NIPSNAP2: variants seen among roughly 807,000 people sequenced by gnomAD.
NIPSNAP2 encodes the protein nipsnap homolog 2.
A neutral mutation model predicts 48.4 loss-of-function variants in NIPSNAP2; 42 were observed. That is an observed-to-expected ratio of 0.87 (90% CI 0.68 to 1.12). The LOEUF (loss-of-function observed/expected upper bound fraction) is 1.12, where lower values mean the gene tolerates loss of function less well. Ranked by LOEUF, NIPSNAP2 falls within the 50% of genes most tolerant of loss-of-function variation. The pLI, the probability that NIPSNAP2 is intolerant of heterozygous loss-of-function variation, is 0.00. For synonymous variants in NIPSNAP2, 158 were observed against 126.6 expected (o/e 1.25, Z -1.67); for missense variants, 314 against 347.3 (o/e 0.90, Z 0.76).
Position 55,997,466 on chromosome 7 carries a change from C to A in NIPSNAP2, c.796+17C>A. On this transcript the variant is annotated intron_variant, in intron 9 of 9. Coordinates refer to ENST00000322090, the MANE Select transcript of NIPSNAP2 (RefSeq NM_001483.3). ...ATTACACAGGTAATCTCTTAACAGC[C>A]ATGAAATATGCTTTTTGTCTTACTG... is the stretch of plus-strand genomic sequence containing the variant. The A allele has an allele frequency of 6.4e-7, 1 of 1,572,704 alleles. No individual in the cohort carries two copies. Among genetic ancestry groups the A allele is most frequent in the Non-Finnish European group, 8.8e-7 (1 of 1,142,502 alleles).
At chr7:55,965,029 A>G (rs972274780) in intron 1 of NIPSNAP2, 18 of 158,058 alleles carry the variant, frequency 1.1e-4, no homozygotes, top group South Asian at 2.0e-4. Context: ...GTGGCCAGGG[A>G]CAGGGACAGC....
At chr7:55,966,876 TGC>T (rs756195467) in intron 1 of NIPSNAP2, among the ~76,000 whole-genome samples, 41 of 152,324 alleles carry the variant, frequency 2.7e-4, no homozygotes, top group Admixed American at 4.6e-4. Flanking sequence ...TCCTGGGATG[TGC>T]AGCGTATATA....
At chr7:55,967,278 G>A in intron 1 of NIPSNAP2, among the ~76,000 whole-genome samples, 1 of 152,234 alleles carries the variant, frequency 6.6e-6, no homozygotes, top group East Asian at 1.9e-4. Context: ...CCAGACACCA[G>A]ATGGTCTTCC....
chr7:55,965,000 G>GA (rs1562759148), intron 1 of NIPSNAP2: 1 of 164,208 alleles, frequency 6.1e-6, no homozygotes, highest in African/African-American at 2.4e-5. Flanking sequence ...GGCCTGCAGG[G>GA]CCCTGACCGG....
chr7:55,965,148 G>A, intron 1 of NIPSNAP2: 1 of 152,358 alleles, frequency 6.6e-6, no homozygotes, highest in Non-Finnish European at 1.5e-5. Flanking sequence ...CCTGGTCTCT[G>A]AGGTGCCGGG....
chr7:55,984,004 T>A (rs1377376358), intron 6 of NIPSNAP2, 136 bp downstream of exon 6: 1 of 611,208 alleles, frequency 1.6e-6, no homozygotes, highest in East Asian at 3.2e-5. Flanking sequence ...TGTATTTTTT[T>A]AAGACTGGGT....
intron 7 of NIPSNAP2, 43 bp downstream of exon 7, chr7:55,984,921 A>G: frequency 6.7e-7 from 1 of 1,491,088 alleles, no homozygotes; most frequent in Non-Finnish European, 9.3e-7. Context: ...TCTTGTGAAT[A>G]GATTAGTTTA....
rs1337724179 is a variant in NIPSNAP2, at chr7:55,983,859, C to T, written c.576C>T (p.Tyr192=). ...CTAATATATATGAACTCAGGTCTTA[C>T]CAACTCCGAGTAAGTACAGAAATAT... is the stretch of plus-strand genomic sequence containing the variant. The part of the protein sequence containing the change: ...SGPNIYELRS[Y]QLRPGTMIEW... The change falls in exon 6 of 10, where the codon TAC becomes TAT. Residue 192 remains tyrosine, a synonymous_variant. Transcript: ENST00000322090. 3.1e-6 allele frequency: 5 copies of T among 1,612,982 alleles called. No homozygotes were observed. The Admixed American group carries it at 5.0e-5, about 16-fold the overall frequency.
At chr7:55,992,651 T>C (rs182626780) in intron 7 of NIPSNAP2, among the ~76,000 whole-genome samples, 1 of 152,362 alleles carries the variant, frequency 6.6e-6, no homozygotes, top group East Asian at 1.9e-4. Flanking sequence ...CATCTTTCAC[T>C]GTCATTGTTA....
intron 1 of NIPSNAP2, among the ~76,000 whole-genome samples, chr7:55,968,546 C>T (rs1786946005): frequency 6.6e-6 from 1 of 152,028 alleles, no homozygotes; most frequent in Non-Finnish European, 1.5e-5. Flanking sequence ...CCACCACAAC[C>T]AGCTAATTTT....
chr7:55,988,932 C>T (rs1478968141), intron 7 of NIPSNAP2, among the ~76,000 whole-genome samples: 1 of 152,074 alleles, frequency 6.6e-6, no homozygotes, highest in Admixed American at 6.6e-5. Context: ...CCAAAAGATA[C>T]CATCCATATA....
In NIPSNAP2 at chr7:55,982,130, C is replaced by T. The variant is rs1197678871; in HGVS notation, c.374-80C>T. ...AGCCTACAGTTTTGTGCTGTGTTAA[C>T]GTTATACCTATCTAGAACATTTTCA... On this transcript the variant is annotated intron_variant, in intron 4 of 9. Transcript: ENST00000322090. 3.9e-5 allele frequency: 34 copies of T among 870,396 alleles called. No individual in the cohort carries two copies. In the South Asian group the frequency reaches 3.9e-4, roughly 10 times the overall value. The allele number at this position is 870,396 out of a possible 1,614,324, so 53.9% of individuals were successfully genotyped here. A position where few individuals can be genotyped will look rare whatever the true frequency, so the allele number is the denominator to read the frequency against.
At chr7:55,979,689 T>A in intron 3 of NIPSNAP2, 1 of 444,418 alleles carries the variant, frequency 2.3e-6, no homozygotes, top group South Asian at 1.6e-5. Flanking sequence ...ACCCCAAAGT[T>A]TGTCAGATTG....
chr7:55,967,886 G>A (rs1389362871), intron 1 of NIPSNAP2, among the ~76,000 whole-genome samples: 1 of 151,992 alleles, frequency 6.6e-6, no homozygotes, highest in African/African-American at 2.4e-5. Context: ...CTGGCCTCAA[G>A]TGATCCTCCC....
intron 7 of NIPSNAP2, among the ~76,000 whole-genome samples, chr7:55,988,815 A>C (rs1014391037): frequency 1.3e-5 from 2 of 152,152 alleles, no homozygotes; most frequent in East Asian, 3.9e-4. Context: ...CAGTGAGCCA[A>C]GGTCACGCCT....
intron 7 of NIPSNAP2, among the ~76,000 whole-genome samples, chr7:55,992,771 G>A (rs1787477773): frequency 6.6e-6 from 1 of 152,184 alleles, no homozygotes; most frequent in Non-Finnish European, 1.5e-5. Context: ...TGAGACTTCA[G>A]GCCAGAGCCT....
intron 1 of NIPSNAP2, among the ~76,000 whole-genome samples, chr7:55,975,183 T>C (rs1787085031): frequency 6.6e-6 from 1 of 151,888 alleles, no homozygotes; most frequent in African/African-American, 2.4e-5. Context: ...CAAAACCCAT[T>C]CTCTATAGAA....
chr7:55,977,884 G>GA (rs1446405274), intron 1 of NIPSNAP2, among the ~76,000 whole-genome samples: 1 of 152,046 alleles, frequency 6.6e-6, no homozygotes, highest in African/African-American at 2.4e-5. Context: ...AAATTGCTTT[G>GA]AAAAACACAT....
At chr7:55,985,247 T>C (rs1205013517) in intron 7 of NIPSNAP2, among the ~76,000 whole-genome samples, 1 of 152,214 alleles carries the variant, frequency 6.6e-6, no homozygotes, top group Non-Finnish European at 1.5e-5. Context: ...AAAACCAATA[T>C]TGCATAAGGT....
Sources: gnomAD v4.1 joint callset for allele counts (sites outside exome capture counted in the v4.1 genomes callset) on GRCh38, gnomAD v4.1.1 for gene constraint, MANE v1.5 for transcripts, NCBI Gene and HGNC (gene_info 2026-07-23, HGNC 2026-07-21) for gene names.